Variants in FOXP2 observed in about 807,000 individuals in gnomAD.
FOXP2 encodes the protein forkhead box P2.
Under a neutral mutation model 115.8 loss-of-function variants are expected in FOXP2, and 12 were observed. That is an observed-to-expected ratio of 0.10 (90% CI 0.07 to 0.17). The LOEUF (loss-of-function observed/expected upper bound fraction) is 0.17, where lower values mean the gene tolerates loss of function less well. Among genes scored for constraint, FOXP2 ranks in the 10% least tolerant of loss-of-function variants. FOXP2 has a pLI of 1.00. For synonymous variants in FOXP2, 328 were observed against 297.7 expected, an observed-to-expected ratio of 1.10 and a Z score of -1.05; for missense variants, 629 against 843.5, an observed-to-expected ratio of 0.75 and a Z score of 3.15.
intron 2 of FOXP2, among the ~76,000 whole-genome samples, chr7:114,392,141 G>A (rs1792619295): frequency 6.6e-6 from 1 of 152,226 alleles, no homozygotes; most frequent in African/African-American, 2.4e-5. Flanking sequence ...ATTCTGTCAA[G>A]TGGAAGCTGA....
At chr7:114,099,011 T>G (rs1023871072) in intron 1 of FOXP2, among the ~76,000 whole-genome samples, 2 of 152,062 alleles carry the variant, frequency 1.3e-5, no homozygotes, top group African/African-American at 4.8e-5. Flanking sequence ...GGCTTGTGCC[T>G]GTGATCCCAG....
chr7:114,653,112 G>A (rs577613513), intron 9 of FOXP2, among the ~76,000 whole-genome samples: 13 of 151,802 alleles, frequency 8.6e-5, no homozygotes, highest in Admixed American at 3.9e-4. Context: ...TTTCAAATTC[G>A]TGTCATTGCT....
In FOXP2 at chr7:114,659,533, C is replaced by T. The variant is rs370574681; in HGVS notation, c.1546-39C>T. 995 of 1,591,846 alleles carry T rather than the reference C, an allele frequency of 6.3e-4. 2 individuals are homozygous for T. Among genetic ancestry groups the T allele is most frequent in the Middle Eastern group, 9.9e-4 (6 of 6,034 alleles). ...AGTGTCATCTAGTCTAGTTAGTAAA[C>T]CATTATTTTATGTCACTATGTATCT... On this transcript the variant is annotated intron_variant, in intron 12 of 16. Coordinates refer to ENST00000350908, the MANE Select transcript of FOXP2 (RefSeq NM_014491.4).
intron 4 of FOXP2, chr7:114,629,573 TC>T: frequency 3.9e-6 from 6 of 1,537,922 alleles, no homozygotes; most frequent in Non-Finnish European, 5.2e-6. Flanking sequence ...ATACAGACTT[TC>T]TATACCCTTT....
chr7:114,481,762 C>T (rs995795690), intron 2 of FOXP2, among the ~76,000 whole-genome samples: 1 of 145,272 alleles, frequency 6.9e-6, no homozygotes. Flanking sequence ...CATATGGAAA[C>T]TCTATCTATC....
At chr7:114,182,803 C>CT (rs1252969179) in intron 1 of FOXP2, among the ~76,000 whole-genome samples, 2 of 151,902 alleles carry the variant, frequency 1.3e-5, no homozygotes, top group South Asian at 4.2e-4. Flanking sequence ...TAAAACAAGT[C>CT]TAATTTTGAT....
chr7:114,329,582 A>G lies in FOXP2; in HGVS notation c.-11+41473A>G, dbSNP rs146287701. Among the ~76,000 whole-genome samples, 412 of 151,876 alleles carry G rather than the reference A, an allele frequency of 2.7e-3. 3 individuals carry two copies. The highest frequency in any genetic ancestry group is 9.6e-3 in the African/African-American group (397 of 41,454). ...ATCTGAAAAAACATATTTGATGAGC[A>G]TAGGCTTTTACCTTAATATGAACAT... is the stretch of plus-strand genomic sequence containing the variant. On this transcript the variant is annotated intron_variant, in intron 2 of 17. Coordinates refer to the FOXP2 transcript ENST00000634411.
chr7:114,514,005 A>C (rs1403543853), intron 2 of FOXP2, among the ~76,000 whole-genome samples: 3 of 151,934 alleles, frequency 2.0e-5, no homozygotes, highest in Admixed American at 1.3e-4. Flanking sequence ...ACATTTTTTA[A>C]ATTGATAAGT....
intron 1 of FOXP2, among the ~76,000 whole-genome samples, chr7:114,276,253 G>T (rs1450730656): frequency 6.6e-6 from 1 of 151,934 alleles, no homozygotes; most frequent in Non-Finnish European, 1.5e-5. Flanking sequence ...CTGACCCCTG[G>T]TTCAAGGGAT....
Position 114,693,022 on chromosome 7 carries a change from C to T in FOXP2, c.*3096C>T, listed in dbSNP as rs748802386. On this transcript the variant is annotated 3_prime_UTR_variant, in exon 17 of 17. Coordinates refer to ENST00000350908, the MANE Select transcript of FOXP2 (RefSeq NM_014491.4). Reference sequence around the variant, plus strand: ...TTGAAAGAAAACTGTCTACCTCTAACACCAGGGAGTTATCAGATTTTATTT... The same window carrying T: ...TTGAAAGAAAACTGTCTACCTCTAATACCAGGGAGTTATCAGATTTTATTT... 1.5e-5 allele frequency: 7 copies of T among 453,894 alleles called. No individual in the cohort carries two copies. The highest frequency in any genetic ancestry group is 2.2e-5 in the Non-Finnish European group (5 of 226,670). 28.1% of individuals were successfully genotyped at this position (453,894 alleles called of 1,614,324 possible).
At chr7:114,419,069 A>G (rs768392521) in intron 1 of FOXP2, among the ~76,000 whole-genome samples, 1 of 151,982 alleles carries the variant, frequency 6.6e-6, no homozygotes, top group African/African-American at 2.4e-5. Context: ...CTGTATTATT[A>G]AATGCTAAGT....
chr7:114,226,092 T>A (rs1794740396), intron 1 of FOXP2, among the ~76,000 whole-genome samples: 2 of 152,162 alleles, frequency 1.3e-5, no homozygotes, highest in African/African-American at 4.8e-5. Flanking sequence ...ATGATATTAT[T>A]TGTCTAAAAG....
chr7:114,365,892 G>C (rs1791867649), intron 2 of FOXP2, among the ~76,000 whole-genome samples: 1 of 151,990 alleles, frequency 6.6e-6, no homozygotes, highest in Non-Finnish European at 1.5e-5. Context: ...TAATTCTTCA[G>C]ATTTTTTTGT....
At chr7:114,413,483 A>G (rs941664840), upstream of FOXP2, among the ~76,000 whole-genome samples, 1 of 152,160 alleles carries the variant, frequency 6.6e-6, no homozygotes, top group Non-Finnish European at 1.5e-5. Context: ...GTTTAAAAAA[A>G]AACCAATATA....
chr7:114,530,157 T>C (rs1211255233), intron 2 of FOXP2, among the ~76,000 whole-genome samples: 2 of 151,894 alleles, frequency 1.3e-5, no homozygotes, highest in African/African-American at 4.8e-5. Context: ...TTTCGCCTGT[T>C]CCACATAATC....
At chr7:114,228,017 T>C (rs1214010926) in intron 1 of FOXP2, among the ~76,000 whole-genome samples, 1 of 152,060 alleles carries the variant, frequency 6.6e-6, no homozygotes, top group Non-Finnish European at 1.5e-5. Context: ...AAAGCAAAAG[T>C]ATGTTTCATT....
rs540362138 is a variant in FOXP2, at chr7:114,551,578, C to G, written c.258+16872C>G. Among the ~76,000 whole-genome samples, 6 of 151,744 alleles carry G rather than the reference C, an allele frequency of 4.0e-5. No individual in the cohort carries two copies. The South Asian group carries it at 1.2e-3, about 32-fold the overall frequency. ...TTTAAAACTTATTTAGGTCTGAGTT[C>G]CAGAATTTAAAAGGGATATTTAAGT... On this transcript the variant is annotated intron_variant, in intron 3 of 16. Transcript: ENST00000350908.
At chr7:114,505,139 A>G (rs912683438) in intron 2 of FOXP2, among the ~76,000 whole-genome samples, 6 of 151,502 alleles carry the variant, frequency 4.0e-5, no homozygotes, top group Non-Finnish European at 5.9e-5. Context: ...AAACCTCACT[A>G]ATTTATATGA....
chr7:114,643,611 T>C (rs941280736), intron 7 of FOXP2, among the ~76,000 whole-genome samples: 2 of 152,206 alleles, frequency 1.3e-5, no homozygotes, highest in East Asian at 3.8e-4. Flanking sequence ...AAAAATTGCA[T>C]TTGTGAAAGG....
Sources: gnomAD v4.1 joint callset for allele counts (sites outside exome capture counted in the v4.1 genomes callset) on GRCh38, gnomAD v4.1.1 for gene constraint, MANE v1.5 for transcripts, NCBI Gene and HGNC (gene_info 2026-07-23, HGNC 2026-07-21) for gene names.